The following MROH7 variants were observed in gnomAD, a reference collection of about 807,000 sequenced individuals.
MROH7 encodes the protein maestro heat like repeat family member 7, also known as maestro heat-like repeat-containing protein family member 7.
MROH7 carries 113 observed loss-of-function variants against 129.2 expected under a neutral mutation model. That is an observed-to-expected ratio of 0.87 (90% CI 0.75 to 1.02). The LOEUF (loss-of-function observed/expected upper bound fraction) is 1.02. MROH7 is among the 50% of genes least tolerant of loss of function. MROH7 has a pLI of 0.00. For synonymous variants in MROH7, 655 were observed against 667.9 expected, an observed-to-expected ratio of 0.98 and a Z score of 0.30; for missense variants, 1,601 against 1,671.3, an observed-to-expected ratio of 0.96 and a Z score of 0.73.
At chr1:54,648,524 C>A (rs1644507044) in intron 1 of MROH7, among the ~76,000 whole-genome samples, 1 of 151,614 alleles carries the variant, frequency 6.6e-6, no homozygotes, top group African/African-American at 2.4e-5. Flanking sequence ...TGCCACCATG[C>A]CTGGCTAATT....
chr1:54,647,083 G>A (rs2101053791), intron 1 of MROH7, among the ~76,000 whole-genome samples: 1 of 152,284 alleles, frequency 6.6e-6, no homozygotes, highest in Non-Finnish European at 1.5e-5. Flanking sequence ...GCTCTCATAA[G>A]CCCCAGCTCC....
chr1:54,684,566 C>T (rs1215810810), intron 14 of MROH7, among the ~76,000 whole-genome samples: 1 of 152,236 alleles, frequency 6.6e-6, no homozygotes, highest in Non-Finnish European at 1.5e-5. Context: ...ACTGATAAAT[C>T]GTTTGAGCAA....
At chr1:54,656,170 A>G (rs919486451) in intron 3 of MROH7, among the ~76,000 whole-genome samples, 1 of 151,638 alleles carries the variant, frequency 6.6e-6, no homozygotes, top group Admixed American at 6.6e-5. Flanking sequence ...CTGGGATTAC[A>G]GGCATGAGCC....
intron 22 of MROH7, among the ~76,000 whole-genome samples, chr1:54,707,431 C>G (rs1645552248): frequency 6.6e-6 from 1 of 152,198 alleles, no homozygotes; most frequent in African/African-American, 2.4e-5. Flanking sequence ...ATTCCGTACT[C>G]TGTGAGAGGT....
At position 54,668,848 on chromosome 1, in the gene MROH7, C is replaced by T. The variant is rs781673485; in HGVS notation, c.1306-6C>T. The T allele has an allele frequency of 6.2e-7, 1 of 1,612,820 alleles. No individual in the cohort carries two copies. The highest frequency in any genetic ancestry group is 8.5e-7 in the Non-Finnish European group (1 of 1,178,930). On this transcript the variant is annotated splice_polypyrimidine_tract_variant and splice_region_variant and intron_variant, in intron 4 of 23. Coordinates refer to ENST00000421030, the MANE Select transcript of MROH7 (RefSeq NM_001039464.4). ...CTCTGAGGTTTTGCCCTCTGCTGTC[C>T]CCTAGGTTGAGAATGTCACCACCCT...
At chr1:54,647,135 G>A (rs1644479815) in intron 1 of MROH7, among the ~76,000 whole-genome samples, 1 of 152,084 alleles carries the variant, frequency 6.6e-6, no homozygotes, top group African/African-American at 2.4e-5. Flanking sequence ...TTTAAATATT[G>A]CTGATGTCCA....
intron 10 of MROH7, among the ~76,000 whole-genome samples, chr1:54,677,136 C>T (rs961072255): frequency 7.9e-5 from 12 of 152,016 alleles, no homozygotes; most frequent in African/African-American, 1.2e-4. Context: ...CGGTGGCTCA[C>T]GCCTGTAATT....
chr1:54,663,213 A>G (rs1644757891), intron 3 of MROH7, among the ~76,000 whole-genome samples: 2 of 151,910 alleles, frequency 1.3e-5, no homozygotes, highest in Non-Finnish European at 1.5e-5. Context: ...ATTTATTTGT[A>G]TAGTATGGAC....
chr1:54,657,946 C>T (rs1379783073), intron 3 of MROH7, among the ~76,000 whole-genome samples: 3 of 152,138 alleles, frequency 2.0e-5, no homozygotes, highest in Non-Finnish European at 4.4e-5. Context: ...CAGGTGTGAG[C>T]CACCATGACT....
At chr1:54,671,471 T>C (rs1227741330) in intron 7 of MROH7, among the ~76,000 whole-genome samples, 1 of 152,140 alleles carries the variant, frequency 6.6e-6, no homozygotes, top group Non-Finnish European at 1.5e-5. Context: ...TGTGGGCAGA[T>C]GACGGTATGG....
intron 16 of MROH7, among the ~76,000 whole-genome samples, 165 bp downstream of exon 16, chr1:54,692,726 C>A (rs982219611): frequency 6.6e-6 from 1 of 152,138 alleles, no homozygotes; most frequent in Non-Finnish European, 1.5e-5. Flanking sequence ...GGCAGGTAGA[C>A]AATACAAATG....
intron 23 of MROH7, 50 bp downstream of exon 23, chr1:54,709,126 A>G: frequency 1.9e-6 from 3 of 1,563,004 alleles, no homozygotes; most frequent in Non-Finnish European, 2.6e-6. Context: ...TGAGACAGTG[A>G]GTAGAATCAC....
intron 15 of MROH7, among the ~76,000 whole-genome samples, chr1:54,687,818 T>C (rs1169240347): frequency 6.6e-6 from 1 of 152,104 alleles, no homozygotes; most frequent in Non-Finnish European, 1.5e-5. Flanking sequence ...AATTTTGCTG[T>C]AGTTTTAGTA....
At chr1:54,675,135 C>G (rs990544400) in intron 10 of MROH7, among the ~76,000 whole-genome samples, 6 of 152,272 alleles carry the variant, frequency 3.9e-5, no homozygotes, top group African/African-American at 1.4e-4. Flanking sequence ...ATCACCACAC[C>G]TAGCTAATTT....
intron 21 of MROH7, 37 bp from the exon 22 acceptor site, chr1:54,706,398 G>C: frequency 1.3e-6 from 2 of 1,525,208 alleles, no homozygotes; most frequent in South Asian, 1.1e-5. Flanking sequence ...TGGTTCCTCT[G>C]AGAGGCCAGC....
In MROH7 at chr1:54,653,128, G is replaced by T; in HGVS notation, c.202G>T (p.Val68Phe). Residue 68 changes from valine to phenylalanine, a missense_variant, in exon 3 of 24, where the codon GTC (valine) becomes TTC (phenylalanine). Val to Phe is a conservative substitution (Grantham distance 50). Coordinates refer to ENST00000421030, the MANE Select transcript of MROH7 (RefSeq NM_001039464.4). ...AGATCTTAATGATTCTTTGAGTCCA[G>T]TCTCAGGGGAGGCCTCAGGCCTGGT... ...VPDLNDSLSP[V>F]SGEASGLVSE... The T allele has an allele frequency of 1.9e-6, 3 of 1,614,180 alleles. No individual in the cohort carries two copies. Among genetic ancestry groups the T allele is most frequent in the Non-Finnish European group, 2.5e-6 (3 of 1,180,030 alleles).
At chr1:54,645,021 G>T (rs1327210593) in intron 1 of MROH7, among the ~76,000 whole-genome samples, 2 of 151,438 alleles carry the variant, frequency 1.3e-5, no homozygotes, top group African/African-American at 4.9e-5. Flanking sequence ...TGTTAGCCAA[G>T]CTGGTCTTGA....
chr1:54,646,897 T>A (rs1350822616), intron 1 of MROH7, among the ~76,000 whole-genome samples: 1 of 152,248 alleles, frequency 6.6e-6, no homozygotes. Flanking sequence ...TCGTATAATA[T>A]GTGGTCTTTT....
rs750428757 is a variant in MROH7 at position 54,704,793 on chromosome 1, CT to C, written c.3565-1619del. ...ACATGAATTAGCATTCAATGTAGCTCTTTTTTTTTTTTTTTTTTTTTTTGAG... is the reference window on the plus strand; with the variant it reads ...ACATGAATTAGCATTCAATGTAGCTCTTTTTTTTTTTTTTTTTTTTTTGAG... On this transcript the variant is annotated intron_variant, in intron 21 of 23. Transcript: ENST00000421030. Among the ~76,000 whole-genome samples the C allele has an allele frequency of 9.3e-3, 632 of 67,786 alleles. 1 individual carries two copies. The highest frequency in any genetic ancestry group is 0.024 in the African/African-American group (376 of 15,414). The allele number at this position is 67,786 out of a possible 152,430, so 44.5% of individuals were successfully genotyped here.
Sources: gnomAD v4.1 joint callset for allele counts (sites outside exome capture counted in the v4.1 genomes callset) on GRCh38, gnomAD v4.1.1 for gene constraint, MANE v1.5 for transcripts, NCBI Gene and HGNC (gene_info 2026-07-23, HGNC 2026-07-21) for gene names.